CNTNAP5: variants seen among roughly 807,000 people sequenced by gnomAD.
The protein encoded by CNTNAP5 is contactin-associated protein-like 5.
A neutral mutation model predicts 150.2 loss-of-function variants in CNTNAP5; 72 were observed. The ratio of observed to expected loss-of-function variants is 0.48; its 90% CI spans 0.40 to 0.58. The LOEUF (loss-of-function observed/expected upper bound fraction) is 0.58, where lower values mean the gene tolerates loss of function less well. Among genes scored for constraint, CNTNAP5 ranks in the 20% least tolerant of loss-of-function variants. The pLI, the probability that CNTNAP5 is intolerant of heterozygous loss-of-function variation, is 0.00. For missense variants in CNTNAP5, 1,636 were observed against 1,626.2 expected (o/e 1.01, Z -0.10); for synonymous variants, 672 against 619.8 (o/e 1.08, Z -1.25).
intron 3 of CNTNAP5, among the ~76,000 whole-genome samples, chr2:124,334,895 G>A (rs867870101): frequency 7.9e-4 from 120 of 151,906 alleles, no homozygotes; most frequent in African/African-American, 2.9e-3. Context: ...TAGGATCTCC[G>A]ATGGTACATT....
intron 3 of CNTNAP5, among the ~76,000 whole-genome samples, chr2:124,391,496 T>C (rs55789209): frequency 0.1 from 15,849 of 152,242 alleles, 1,197 homozygotes; most frequent in African/African-American, 0.22. Context: ...CATCGTCTTC[T>C]CTAAATTGCC....
chr2:124,122,857 A>G (rs1474017158), intron 1 of CNTNAP5, among the ~76,000 whole-genome samples: 1 of 151,858 alleles, frequency 6.6e-6, no homozygotes, highest in Non-Finnish European at 1.5e-5. Flanking sequence ...TTTGACACCC[A>G]TGTCAGTGCC....
intron 6 of CNTNAP5, 148 bp from the exon 7 acceptor site, chr2:124,474,591 A>T: frequency 3.2e-6 from 2 of 626,876 alleles, no homozygotes; most frequent in Non-Finnish European, 5.3e-6. Flanking sequence ...GTATCCTTTT[A>T]AATGTGTAAT....
chr2:124,098,449 G>T (rs1443377047), intron 1 of CNTNAP5, among the ~76,000 whole-genome samples: 1 of 152,092 alleles, frequency 6.6e-6, no homozygotes, highest in Admixed American at 6.5e-5. Flanking sequence ...TCACAGTGCG[G>T]GTGGAAGGAT....
At chr2:124,386,424 C>G (rs1404451085) in intron 3 of CNTNAP5, among the ~76,000 whole-genome samples, 2 of 152,176 alleles carry the variant, frequency 1.3e-5, no homozygotes, top group Non-Finnish European at 2.9e-5. Flanking sequence ...TGTAACATAC[C>G]TGCAGAGACT....
chr2:124,198,006 A>T (rs1408353127), intron 1 of CNTNAP5, among the ~76,000 whole-genome samples: 1 of 151,630 alleles, frequency 6.6e-6, no homozygotes, highest in Non-Finnish European at 1.5e-5. Flanking sequence ...TAAAAATAAT[A>T]ATAATAATAA....
chr2:124,494,664 G>T (rs1246248494), intron 7 of CNTNAP5, among the ~76,000 whole-genome samples: 2 of 152,118 alleles, frequency 1.3e-5, no homozygotes, highest in Non-Finnish European at 2.9e-5. Flanking sequence ...TAGACTGGAC[G>T]CATGACTAAA....
chr2:124,832,580 A>G (rs879473825), intron 19 of CNTNAP5, among the ~76,000 whole-genome samples: 3 of 152,064 alleles, frequency 2.0e-5, no homozygotes, highest in Non-Finnish European at 4.4e-5. Context: ...TGGGTAAAGC[A>G]TTTTCCATGA....
At chr2:124,834,275 A>G (rs562099602) in intron 19 of CNTNAP5, among the ~76,000 whole-genome samples, 50 of 152,198 alleles carry the variant, frequency 3.3e-4, no homozygotes, top group Non-Finnish European at 5.3e-4. Flanking sequence ...GATGTCTAGT[A>G]TCTTTAATAA....
intron 13 of CNTNAP5, among the ~76,000 whole-genome samples, chr2:124,716,286 G>A (rs1319539814): frequency 6.6e-6 from 1 of 152,034 alleles, no homozygotes; most frequent in Non-Finnish European, 1.5e-5. Context: ...TAAATGTGTG[G>A]CACCATCATC....
Position 124,915,666 on chromosome 2 carries a change from A to T in CNTNAP5, c.*1378A>T, listed in dbSNP as rs780881283. ...CTTTTTATAGGCTTAAACTCCCAAAAGAGGTGGTGACAAATTTCAGGGTCT... is the reference window on the plus strand; with the variant it reads ...CTTTTTATAGGCTTAAACTCCCAAATGAGGTGGTGACAAATTTCAGGGTCT... On this transcript the variant is annotated 3_prime_UTR_variant, in exon 24 of 24. Coordinates refer to ENST00000682447, the MANE Select transcript of CNTNAP5 (RefSeq NM_001367498.1). Among the ~76,000 whole-genome samples the T allele has an allele frequency of 1.3e-5, 2 of 152,056 alleles. No homozygotes were observed. Among genetic ancestry groups the T allele is most frequent in the African/African-American group, 4.8e-5 (2 of 41,438 alleles).
At chr2:124,541,260 C>T (rs528974344) in intron 10 of CNTNAP5, among the ~76,000 whole-genome samples, 4 of 130,284 alleles carry the variant, frequency 3.1e-5, no homozygotes, top group Non-Finnish European at 6.3e-5. Flanking sequence ...TTTCCCAAAA[C>T]ATGTATGTGC....
chr2:124,236,796 CT>C (rs905804603), intron 2 of CNTNAP5, among the ~76,000 whole-genome samples: 53 of 151,340 alleles, frequency 3.5e-4, no homozygotes, highest in African/African-American at 1.2e-3. Flanking sequence ...TTATTTTAGG[CT>C]TTAAAAAAAA....
At chr2:124,701,863 T>C (rs1421814516) in intron 13 of CNTNAP5, among the ~76,000 whole-genome samples, 1 of 152,020 alleles carries the variant, frequency 6.6e-6, no homozygotes, top group Non-Finnish European at 1.5e-5. Flanking sequence ...TTTAATTGAG[T>C]TATTTGTTTT....
At chr2:124,861,852 C>T (rs1443145035) in intron 19 of CNTNAP5, among the ~76,000 whole-genome samples, 2 of 152,022 alleles carry the variant, frequency 1.3e-5, no homozygotes, top group Non-Finnish European at 2.9e-5. Context: ...CTTGCTCTAT[C>T]GCCCACGCTG....
At chr2:124,628,160 G>A (rs1677770368) in intron 12 of CNTNAP5, among the ~76,000 whole-genome samples, 1 of 152,164 alleles carries the variant, frequency 6.6e-6, no homozygotes, top group Non-Finnish European at 1.5e-5. Flanking sequence ...TCATCCGGGA[G>A]GACTTCCCCA....
chr2:124,827,924 C>A (rs2104677240), intron 19 of CNTNAP5, among the ~76,000 whole-genome samples: 1 of 152,262 alleles, frequency 6.6e-6, no homozygotes, highest in African/African-American at 2.4e-5. Context: ...AACTCTTCAA[C>A]TTGCTGCCTC....
chr2:124,888,414 A>C (rs1013876826), intron 21 of CNTNAP5, among the ~76,000 whole-genome samples: 2 of 152,270 alleles, frequency 1.3e-5, no homozygotes, highest in South Asian at 4.1e-4. Flanking sequence ...ACATATGAGC[A>C]CATGTGTCTT....
chr2:124,436,934 T>C (rs529852415), intron 5 of CNTNAP5, among the ~76,000 whole-genome samples: 173 of 152,288 alleles, frequency 1.1e-3, no homozygotes, highest in Non-Finnish European at 2.3e-3. Context: ...TCACCTAGGA[T>C]ACTTCTTAAA....
Sources: gnomAD v4.1 joint callset for allele counts (sites outside exome capture counted in the v4.1 genomes callset) on GRCh38, gnomAD v4.1.1 for gene constraint, MANE v1.5 for transcripts, NCBI Gene and HGNC (gene_info 2026-07-23, HGNC 2026-07-21) for gene names.